Variants in PCDHA8 observed in about 807,000 individuals in gnomAD.
PCDHA8 encodes the protein protocadherin alpha-8.
Under a neutral mutation model 61.8 loss-of-function variants are expected in PCDHA8, and 53 were observed. The observed-to-expected ratio is 0.86, with a 90% CI of 0.69 to 1.08. The LOEUF (loss-of-function observed/expected upper bound fraction) is 1.08, where lower values mean the gene tolerates loss of function less well. Ranked by LOEUF, PCDHA8 falls within the 50% of genes least tolerant of loss-of-function variation. PCDHA8 has a pLI of 0.00. For missense variants in PCDHA8, 1,293 were observed against 1,245.0 expected (o/e 1.04, Z -0.58); for synonymous variants, 618 against 556.6 (o/e 1.11, Z -1.55).
intron 1 of PCDHA8, among the ~76,000 whole-genome samples, chr5:140,971,368 G>A (rs1433220574): frequency 1.3e-5 from 2 of 152,186 alleles, no homozygotes; most frequent in Non-Finnish European, 2.9e-5. Context: ...TGCCAGGAGA[G>A]TGCATGACTT....
At chr5:140,985,377 A>G (rs782189204) in intron 3 of PCDHA8, among the ~76,000 whole-genome samples, 10 of 152,188 alleles carry the variant, frequency 6.6e-5, no homozygotes, top group Non-Finnish European at 5.9e-5. Context: ...CTGGGTCTAT[A>G]TAATCCAGTC....
Position 140,870,644 on chromosome 5 carries a change from G to A in PCDHA8, c.2394+26929G>A, listed in dbSNP as rs782672271. ...TACGTGTCGGTGCACGCGGAGAGCG[G>A]CAAGGTGTACGCGCTGCAGCCGTTG... is the stretch of plus-strand genomic sequence containing the variant. On this transcript the variant is annotated intron_variant, in intron 1 of 3. Transcript: ENST00000531613. 8.7e-6 allele frequency: 14 copies of A among 1,612,768 alleles called. No homozygotes were observed. In the South Asian group the frequency reaches 1.4e-4, roughly 16 times the overall value.
At chr5:140,965,281 G>A (rs574183012) in intron 1 of PCDHA8, among the ~76,000 whole-genome samples, 1 of 152,310 alleles carries the variant, frequency 6.6e-6, no homozygotes, top group African/African-American at 2.4e-5. Flanking sequence ...GACACAGCAT[G>A]GAAAGATTTC....
intron 1 of PCDHA8, chr5:140,867,240 G>C (rs538392641): frequency 6.6e-6 from 1 of 152,186 alleles, no homozygotes; most frequent in African/African-American, 2.4e-5. Context: ...TAAGGTGATT[G>C]AGGATCTGTT....
At chr5:140,877,209 G>C in intron 1 of PCDHA8, 1 of 1,613,794 alleles carries the variant, frequency 6.2e-7, no homozygotes, top group African/African-American at 1.3e-5. Context: ...CAGTTAGCGA[G>C]TTGGTACCGC....
chr5:140,877,389 G>A (rs1554169667), intron 1 of PCDHA8: 3 of 1,613,994 alleles, frequency 1.9e-6, no homozygotes, highest in South Asian at 1.1e-5. Flanking sequence ...TCCTGGATGA[G>A]GCGGACGCTC....
chr5:140,988,062 A>G (rs1032842011), intron 3 of PCDHA8, among the ~76,000 whole-genome samples: 1 of 152,114 alleles, frequency 6.6e-6, no homozygotes, highest in Non-Finnish European at 1.5e-5. Context: ...GTCAACATGA[A>G]TTTTTCTATT....
rs941007574 is a variant in PCDHA8, at chr5:141,010,090, C to T, written c.*153C>T. 1.9e-6 allele frequency: 3 copies of T among 1,612,518 alleles called. No individual in the cohort carries two copies. Among genetic ancestry groups the T allele is most frequent in the Non-Finnish European group, 2.5e-6 (3 of 1,179,284 alleles). ...AAGTTCCCTGTGTCTGTCTAGAACG[C>T]ATTTAACAGGTTTTGTCGTAAAAGC... is the stretch of plus-strand genomic sequence containing the variant. On this transcript the variant is annotated 3_prime_UTR_variant, in exon 4 of 4. Coordinates refer to ENST00000531613, the MANE Select transcript of PCDHA8 (RefSeq NM_018911.3).
intron 2 of PCDHA8, among the ~76,000 whole-genome samples, chr5:140,982,130 G>A (rs1298475758): frequency 6.6e-6 from 1 of 152,228 alleles, no homozygotes; most frequent in African/African-American, 2.4e-5. Context: ...TTGAGAACAA[G>A]CCCTCCTCAT....
chr5:140,882,032 T>C (rs2058914811), intron 1 of PCDHA8: 2 of 623,536 alleles, frequency 3.2e-6, no homozygotes, highest in Non-Finnish European at 5.1e-6. Flanking sequence ...ATGGAAAATA[T>C]GAAGACTGAG....
At chr5:140,858,328 G>T (rs782462952) in intron 1 of PCDHA8, 1 of 1,596,534 alleles carries the variant, frequency 6.3e-7, no homozygotes, top group South Asian at 1.1e-5. Context: ...GTTCTGGGGA[G>T]GGCCTGCCCA....
Position 140,941,114 on chromosome 5 carries a change from T to G in PCDHA8, c.2395-37835T>G, listed in dbSNP as rs193134067. ...TTTCACATACTATTACTGGAAAGAT[T>G]AGTCCTTTGAAGTTCCAGCTTAATG... On this transcript the variant is annotated intron_variant, in intron 1 of 3. Coordinates refer to ENST00000531613, the MANE Select transcript of PCDHA8 (RefSeq NM_018911.3). Among the ~76,000 whole-genome samples, 307 of 152,230 alleles carry G rather than the reference T, an allele frequency of 2.0e-3. 3 individuals carry two copies. Among genetic ancestry groups the G allele is most frequent in the African/African-American group, 7.2e-3 (299 of 41,546 alleles).
At chr5:140,860,134 T>C (rs1179708512) in intron 1 of PCDHA8, 1 of 150,772 alleles carries the variant, frequency 6.6e-6, no homozygotes, top group African/African-American at 2.4e-5. Flanking sequence ...TGTGTGTGTG[T>C]ATATATATGT....
At chr5:140,849,960 C>G in intron 1 of PCDHA8, 1 of 1,597,926 alleles carries the variant, frequency 6.3e-7, no homozygotes, top group Non-Finnish European at 8.6e-7. Context: ...GGAGAACGCC[C>G]TGGTGTCCTA....
At chr5:140,957,255 T>C (rs577479092) in intron 1 of PCDHA8, among the ~76,000 whole-genome samples, 88 of 152,306 alleles carry the variant, frequency 5.8e-4, no homozygotes, top group Non-Finnish European at 1.0e-3. Flanking sequence ...AAAATTTAAA[T>C]ATGTAAGCAC....
At chr5:141,006,412 A>G (rs1423476125) in intron 3 of PCDHA8, among the ~76,000 whole-genome samples, 7 of 151,898 alleles carry the variant, frequency 4.6e-5, no homozygotes, top group African/African-American at 1.7e-4. Flanking sequence ...ACGCGGTTTC[A>G]CTGTGTTAGC....
chr5:140,887,247 C>T (rs1302931456), intron 1 of PCDHA8, among the ~76,000 whole-genome samples: 1 of 152,016 alleles, frequency 6.6e-6, no homozygotes, highest in Non-Finnish European at 1.5e-5. Context: ...CCGGCGCCCG[C>T]CACCACGCCC....
At chr5:140,851,466 A>C in intron 1 of PCDHA8, 1 of 895,524 alleles carries the variant, frequency 1.1e-6, no homozygotes, top group Non-Finnish European at 1.4e-6. Context: ...AAATTATGTC[A>C]ATAAATGTTA....
At chr5:140,906,257 C>A (rs1394766953) in intron 1 of PCDHA8, among the ~76,000 whole-genome samples, 2 of 152,168 alleles carry the variant, frequency 1.3e-5, no homozygotes, top group Non-Finnish European at 2.9e-5. Flanking sequence ...ATACACACCT[C>A]CTGAAATTAT....
Sources: allele counts gnomAD v4.1 joint callset (sites outside exome capture counted in the v4.1 genomes callset), GRCh38; gene constraint gnomAD v4.1.1; transcripts MANE v1.5; gene names NCBI Gene and HGNC (gene_info 2026-07-23, HGNC 2026-07-21).